DPF3: variants seen among roughly 807,000 people sequenced by gnomAD.
The protein encoded by DPF3 is zinc finger protein DPF3.
Under a neutral mutation model 56.8 loss-of-function variants are expected in DPF3, and 18 were observed. The ratio of observed to expected loss-of-function variants is 0.32; its 90% CI spans 0.22 to 0.47. DPF3 has a LOEUF of 0.47. Ranked by LOEUF, DPF3 falls within the 20% of genes least tolerant of loss-of-function variation. The probability of loss-of-function intolerance (pLI) is 1.00; values close to 1 mark genes in which losing one functional copy is unlikely to be tolerated. For synonymous variants in DPF3, 188 were observed against 180.2 expected (o/e 1.04, Z -0.35); for missense variants, 403 against 488.8 (o/e 0.82, Z 1.65).
At chr14:72,710,846 T>C (rs770079007) in intron 6 of DPF3, among the ~76,000 whole-genome samples, 35 of 152,240 alleles carry the variant, frequency 2.3e-4, no homozygotes, top group Non-Finnish European at 4.4e-4. Flanking sequence ...TAAAAGAGAC[T>C]GGTTACTTGC....
At chr14:72,877,431 C>A (rs538351981) in intron 1 of DPF3, among the ~76,000 whole-genome samples, 1 of 152,130 alleles carries the variant, frequency 6.6e-6, no homozygotes, top group South Asian at 2.1e-4. Context: ...AGCAGGAGCG[C>A]CTTTTGTTCT....
In DPF3 at chr14:72,883,681, A is replaced by G. The variant is rs574618564; in HGVS notation, c.32+10376T>C. Among the ~76,000 whole-genome samples the G allele has an allele frequency of 3.9e-5, 6 of 152,300 alleles. No homozygotes were observed. In the South Asian group the frequency reaches 1.0e-3, roughly 26 times the overall value. ...GGTGGCTTACGCCTGTAATCCCAGC[A>G]CGTGGGGAGGCCCAGGTGGGCAGAT... On this transcript the variant is annotated intron_variant, in intron 1 of 10. Coordinates refer to ENST00000556509, the MANE Select transcript of DPF3 (RefSeq NM_001280542.3).
At chr14:72,763,090 G>A (rs1460294642) in intron 2 of DPF3, among the ~76,000 whole-genome samples, 1 of 151,902 alleles carries the variant, frequency 6.6e-6, no homozygotes, top group African/African-American at 2.4e-5. Flanking sequence ...AATCATTGAT[G>A]AGAAAAATTA....
intron 6 of DPF3, among the ~76,000 whole-genome samples, chr14:72,696,684 G>T (rs1156922809): frequency 1.1e-4 from 16 of 152,174 alleles, no homozygotes; most frequent in Non-Finnish European, 1.5e-5. Flanking sequence ...TAAGCAAAAA[G>T]CTCCCTCTAT....
In DPF3 at chr14:72,853,933, T is replaced by A. The variant is rs1885082127; in HGVS notation, c.32+40124A>T. ...TTGGCAGGATACTGACATACAAACC[T>A]CCAAGATCTGGGAAACAACTCAGGC... On this transcript the variant is annotated intron_variant, in intron 1 of 10. Coordinates refer to ENST00000556509, the MANE Select transcript of DPF3 (RefSeq NM_001280542.3). 3.9e-5 allele frequency among the ~76,000 whole-genome samples: 6 copies of A among 152,120 alleles called. No homozygotes were observed. The South Asian group carries it at 1.2e-3, about 32-fold the overall frequency.
intron 1 of DPF3, among the ~76,000 whole-genome samples, chr14:72,887,864 G>A (rs1037543239): frequency 7.2e-5 from 11 of 152,138 alleles, no homozygotes; most frequent in Non-Finnish European, 1.2e-4. Context: ...AGGTTGAGAC[G>A]GGTTTCATCA....
chr14:72,650,797 C>G (rs1023231649), intron 8 of DPF3, among the ~76,000 whole-genome samples: 6 of 152,162 alleles, frequency 3.9e-5, no homozygotes, highest in African/African-American at 1.2e-4. Flanking sequence ...GCGTCTCCCT[C>G]CAAGACAGGA....
At position 72,815,295 on chromosome 14, in the gene DPF3, C is replaced by T. The variant is rs200813648; in HGVS notation, c.33-43402G>A. On this transcript the variant is annotated intron_variant, in intron 1 of 10. Transcript: ENST00000556509. ...AAAATCACAATGAGATACCGTTAAA[C>T]ATCTATTATAATGGCTAAAATTTAA... 3.3e-5 allele frequency among the ~76,000 whole-genome samples: 5 copies of T among 151,972 alleles called. 1 individual carries two copies. The East Asian group carries it at 9.6e-4, about 29-fold the overall frequency.
Position 72,614,777 on chromosome 14 carries a change from G to GAAAA in DPF3, c.*4516_*4519dup, listed in dbSNP as rs757694376. Among the ~76,000 whole-genome samples, 304 of 96,054 alleles carry GAAAA rather than the reference G, an allele frequency of 3.2e-3. 14 individuals are homozygous for GAAAA. In the East Asian group the frequency reaches 0.032, roughly 10 times the overall value. The allele number at this position is 96,054 out of a possible 152,430, so 63.0% of individuals were successfully genotyped here. ...CTGTTGCCCAGGATCACAAGCCTCA[G>GAAAA]AAAAAAAAAAAAGAGTTACAATCAC... is the stretch of plus-strand genomic sequence containing the variant. On this transcript the variant is annotated 3_prime_UTR_variant, in exon 11 of 11. Transcript: ENST00000556509.
At chr14:72,887,235 T>G (rs1285630192) in intron 1 of DPF3, among the ~76,000 whole-genome samples, 1 of 151,684 alleles carries the variant, frequency 6.6e-6, no homozygotes, top group Non-Finnish European at 1.5e-5. Context: ...GTGATTCCAG[T>G]CTTTTAACCA....
intron 1 of DPF3, among the ~76,000 whole-genome samples, chr14:72,839,391 A>G (rs939436804): frequency 1.3e-5 from 2 of 152,146 alleles, no homozygotes; most frequent in African/African-American, 2.4e-5. Context: ...GCATTCGGCA[A>G]TTTGTGTGGA....
At chr14:72,826,325 A>G (rs1018659309) in intron 1 of DPF3, among the ~76,000 whole-genome samples, 4 of 152,134 alleles carry the variant, frequency 2.6e-5, no homozygotes, top group African/African-American at 9.7e-5. Context: ...CCTTTGTAAT[A>G]AAGTTTAACC....
intron 1 of DPF3, among the ~76,000 whole-genome samples, chr14:72,872,399 T>C (rs1885936749): frequency 6.6e-6 from 1 of 152,214 alleles, no homozygotes; most frequent in Non-Finnish European, 1.5e-5. Flanking sequence ...AAATAGGTTT[T>C]TCTTTTCTAT....
chr14:72,769,252 C>G (rs1599425034), intron 2 of DPF3, among the ~76,000 whole-genome samples: 1 of 152,128 alleles, frequency 6.6e-6, no homozygotes, highest in East Asian at 1.9e-4. Context: ...TTCCTACAAA[C>G]AGGAGCCAGG....
rs2153565166 is a variant in DPF3 at position 72,614,149 on chromosome 14, A to G, written c.*5148T>C. Among the ~76,000 whole-genome samples, 1 of 152,264 alleles carries G rather than the reference A, an allele frequency of 6.6e-6. No homozygotes were observed. Among genetic ancestry groups the G allele is most frequent in the Non-Finnish European group, 1.5e-5 (1 of 68,010 alleles). On this transcript the variant is annotated 3_prime_UTR_variant, in exon 11 of 11. Coordinates refer to ENST00000556509, the MANE Select transcript of DPF3 (RefSeq NM_001280542.3). ...TGGCCGTGGCCTCTGGCAGAGAATCATAAGCAGACTCCCAAACCCTGGGAA... is the reference window on the plus strand; with the variant it reads ...TGGCCGTGGCCTCTGGCAGAGAATCGTAAGCAGACTCCCAAACCCTGGGAA...
At chr14:72,658,361 C>T (rs968498123) in intron 8 of DPF3, among the ~76,000 whole-genome samples, 8 of 151,600 alleles carry the variant, frequency 5.3e-5, no homozygotes, top group South Asian at 2.1e-4. Flanking sequence ...ATTAAAATTC[C>T]GGAAGGATTT....
chr14:72,673,722 G>T (rs1050543894), intron 8 of DPF3, among the ~76,000 whole-genome samples: 1 of 152,172 alleles, frequency 6.6e-6, no homozygotes, highest in Admixed American at 6.5e-5. Flanking sequence ...TAGAAAATGA[G>T]ATTAGTGGCC....
intron 1 of DPF3, among the ~76,000 whole-genome samples, chr14:72,887,152 A>AACAC (rs149200705): frequency 0.16 from 21,481 of 137,738 alleles, 1,816 homozygotes; most frequent in Admixed American, 0.2. Context: ...TCTGCCTCCA[A>AACAC]ACACACACAC....
At chr14:72,832,189 C>G (rs1042045400) in intron 1 of DPF3, among the ~76,000 whole-genome samples, 17 of 151,846 alleles carry the variant, frequency 1.1e-4, no homozygotes, top group Non-Finnish European at 4.4e-5. Context: ...TGCACTCTAG[C>G]CTGGGCAACA....
Sources: allele counts gnomAD v4.1 joint callset (sites outside exome capture counted in the v4.1 genomes callset), GRCh38; gene constraint gnomAD v4.1.1; transcripts MANE v1.5; gene names NCBI Gene and HGNC (gene_info 2026-07-23, HGNC 2026-07-21).